LRRC7: variants seen among roughly 807,000 people sequenced by gnomAD.
The protein encoded by LRRC7 is leucine rich repeat containing 7.
In LRRC7, 23 loss-of-function variants were observed where a neutral mutation model predicts 175.7. The observed-to-expected ratio is 0.13, with a 90% confidence interval of 0.09 to 0.19. The LOEUF (loss-of-function observed/expected upper bound fraction) is 0.19. Ranked by LOEUF, LRRC7 falls within the 10% of genes least tolerant of loss-of-function variation. The probability of loss-of-function intolerance (pLI) is 1.00; values close to 1 mark genes in which losing one functional copy is unlikely to be tolerated. For missense variants in LRRC7, 1,354 were observed against 1,904.7 expected, an observed-to-expected ratio of 0.71 and a Z score of 5.38; for synonymous variants, 685 against 680.9, an observed-to-expected ratio of 1.01 and a Z score of -0.09.
chr1:69,902,617 G>A (rs1913266), intron 7 of LRRC7, among the ~76,000 whole-genome samples: 83,007 of 151,798 alleles, frequency 0.55, 22,757 homozygotes, highest in East Asian at 0.7. Context: ...GTTATAAAGT[G>A]AAGTATCAGT....
chr1:69,920,042 T>C (rs1646839496), intron 7 of LRRC7: 2 of 392,052 alleles, frequency 5.1e-6, no homozygotes, highest in Non-Finnish European at 9.3e-6. Context: ...GGCTGCGACC[T>C]CCAGACTCTC....
intron 7 of LRRC7, among the ~76,000 whole-genome samples, chr1:69,838,680 A>T (rs1485217626): frequency 6.6e-6 from 1 of 151,976 alleles, no homozygotes; most frequent in African/African-American, 2.4e-5. Flanking sequence ...TTACATCAAG[A>T]ATATGCCAGA....
intron 7 of LRRC7, among the ~76,000 whole-genome samples, chr1:69,847,510 C>T (rs751680947): frequency 6.6e-6 from 1 of 152,056 alleles, no homozygotes; most frequent in Non-Finnish European, 1.5e-5. Flanking sequence ...ATCCTCCTTG[C>T]TCTTTTCCAC....
intron 23 of LRRC7, among the ~76,000 whole-genome samples, chr1:70,055,641 G>A (rs187447479): frequency 1.3e-5 from 2 of 152,276 alleles, no homozygotes; most frequent in East Asian, 3.9e-4. Flanking sequence ...TGGAAGCAAA[G>A]GGGAAGCAAG....
chr1:69,577,412 T>C (rs1054452895), intron 1 of LRRC7, among the ~76,000 whole-genome samples: 2 of 152,214 alleles, frequency 1.3e-5, no homozygotes, highest in African/African-American at 4.8e-5. Context: ...TTTTGGCTTT[T>C]GTTGCCATTG....
rs185220793 is a variant in LRRC7, at chr1:70,092,055, G to T, written c.4545+2236G>T. Reference sequence around the variant, plus strand: ...AGACACTGACTGACAATTTACATAAGAATTCAGTCCACTCACAAGGAAAGG... The same window carrying T: ...AGACACTGACTGACAATTTACATAATAATTCAGTCCACTCACAAGGAAAGG... On this transcript the variant is annotated intron_variant, in intron 25 of 26. Transcript: ENST00000651989. 5.2e-4 allele frequency among the ~76,000 whole-genome samples: 79 copies of T among 152,212 alleles called. 1 individual carries two copies. The highest frequency in any genetic ancestry group is 2.6e-3 in the Admixed American group (40 of 15,276).
At chr1:69,709,693 G>T (rs1664502013) in intron 2 of LRRC7, among the ~76,000 whole-genome samples, 5 of 152,196 alleles carry the variant, frequency 3.3e-5, no homozygotes, top group Admixed American at 3.3e-4. Flanking sequence ...CTGTATGATA[G>T]AGAGTTGTGT....
intron 1 of LRRC7, 112 bp downstream of exon 1, chr1:69,568,753 A>AG: frequency 6.5e-6 from 2 of 305,740 alleles, no homozygotes; most frequent in Non-Finnish European, 1.1e-5. Context: ...CGGGGGTGGC[A>AG]GGGCGGGAGG....
chr1:69,988,782 T>C (rs928846131), intron 10 of LRRC7, among the ~76,000 whole-genome samples: 4 of 152,112 alleles, frequency 2.6e-5, no homozygotes, highest in Non-Finnish European at 5.9e-5. Context: ...ACCACCAACA[T>C]TGCTAATATA....
chr1:70,054,011 T>G (rs1243884046), intron 23 of LRRC7, among the ~76,000 whole-genome samples: 2 of 152,204 alleles, frequency 1.3e-5, no homozygotes, highest in Non-Finnish European at 2.9e-5. Flanking sequence ...CAATGGAAAC[T>G]CTTTTAGACT....
At chr1:69,841,639 C>T (rs894455509) in intron 7 of LRRC7, among the ~76,000 whole-genome samples, 5 of 152,026 alleles carry the variant, frequency 3.3e-5, no homozygotes, top group African/African-American at 9.7e-5. Context: ...TAGCACTTAC[C>T]GCTCTCTATA....
At chr1:69,755,341 T>TAC (rs1238334110) in intron 2 of LRRC7, among the ~76,000 whole-genome samples, 6 of 146,086 alleles carry the variant, frequency 4.1e-5, no homozygotes, top group Admixed American at 6.9e-5. Context: ...AATATATATA[T>TAC]ACACACACAT....
chr1:69,897,789 G>T, intron 7 of LRRC7, among the ~76,000 whole-genome samples: 1 of 152,186 alleles, frequency 6.6e-6, no homozygotes, highest in East Asian at 1.9e-4. Flanking sequence ...GATTGAACAT[G>T]CCATGTCAAT....
chr1:69,859,606 T>C (rs1228121906), intron 7 of LRRC7, among the ~76,000 whole-genome samples: 2 of 152,092 alleles, frequency 1.3e-5, no homozygotes, highest in African/African-American at 4.8e-5. Flanking sequence ...TTCTGATATA[T>C]ATTTAAGTCC....
chr1:70,038,606 C>T lies in LRRC7; in HGVS notation c.2782C>T (p.Pro928Ser), dbSNP rs773004438. Residue 928 changes from proline (P) to serine (S), a missense_variant, in exon 21 of 27, where the codon CCA (proline) becomes TCA (serine). This residue lies in a region of LRRC7 where 1,032 missense variants were observed against 1,227.2 expected (regional missense o/e 0.84). Coordinates refer to ENST00000651989, the MANE Select transcript of LRRC7 (RefSeq NM_001370785.2). ...ESTEIPSPFS[P>S]GVPWEYHDSN... ...TACTGAAATACCTAGTCCTTTTTCTCCAGGCGTACCATGGGAGTATCATGA... is the reference window on the plus strand; with the variant it reads ...TACTGAAATACCTAGTCCTTTTTCTTCAGGCGTACCATGGGAGTATCATGA... 6.8e-6 allele frequency: 11 copies of T among 1,614,026 alleles called. No homozygotes were observed. The East Asian group carries it at 2.5e-4, about 36-fold the overall frequency.
chr1:69,668,131 T>G (rs1249455477), intron 1 of LRRC7, among the ~76,000 whole-genome samples: 1 of 152,156 alleles, frequency 6.6e-6, no homozygotes, highest in Non-Finnish European at 1.5e-5. Context: ...TCCCACTTTT[T>G]AACATTTTGT....
At chr1:69,926,760 C>T (rs1344929214) in intron 7 of LRRC7, among the ~76,000 whole-genome samples, 1 of 152,112 alleles carries the variant, frequency 6.6e-6, no homozygotes, top group African/African-American at 2.4e-5. Flanking sequence ...ACTCTTTATC[C>T]AATTTGCCAG....
rs1431559350 is a variant in LRRC7 at position 69,979,775 on chromosome 1, A to G, written c.712-604A>G. 2.6e-5 allele frequency among the ~76,000 whole-genome samples: 4 copies of G among 152,176 alleles called. No individual in the cohort carries two copies. The East Asian group carries it at 7.8e-4, about 30-fold the overall frequency. Reference sequence around the variant, plus strand: ...GTAGCTTGGGGACTGATTTTTTAAAAGTCAATGGGGCTTATTCATCTTATG... The same window carrying G: ...GTAGCTTGGGGACTGATTTTTTAAAGGTCAATGGGGCTTATTCATCTTATG... On this transcript the variant is annotated intron_variant, in intron 8 of 26. Transcript: ENST00000651989.
At chr1:69,593,246 TAA>T (rs1440418263) in intron 1 of LRRC7, among the ~76,000 whole-genome samples, 2 of 152,060 alleles carry the variant, frequency 1.3e-5, no homozygotes, top group Admixed American at 6.5e-5. Flanking sequence ...TTTAAGAAAT[TAA>T]AAAGTCATAA....
Sources: allele counts gnomAD v4.1 joint callset (sites outside exome capture counted in the v4.1 genomes callset), GRCh38; gene constraint gnomAD v4.1.1; regional missense constraint gnomAD v4.1.1; transcripts MANE v1.5; gene names NCBI Gene and HGNC (gene_info 2026-07-23, HGNC 2026-07-21).